The following DCHS2 variants were observed in gnomAD, a reference collection of about 807,000 sequenced individuals.
DCHS2 encodes the protein dachsous cadherin-related 2.
DCHS2 carries 142 observed loss-of-function variants against 182.4 expected under a neutral mutation model. The observed-to-expected ratio is 0.78, with a 90% CI of 0.68 to 0.89. DCHS2 has a LOEUF of 0.89. Ranked by LOEUF, DCHS2 falls within the 40% of genes least tolerant of loss-of-function variation. DCHS2 has a pLI of 0.00. For synonymous variants in DCHS2, 1,740 were observed against 1,663.3 expected (o/e 1.05, Z -1.12); for missense variants, 4,319 against 4,198.6 (o/e 1.03, Z -0.79).
intron 13 of DCHS2, among the ~76,000 whole-genome samples, chr4:154,280,334 A>T (rs1561007847): frequency 6.6e-6 from 1 of 152,208 alleles, no homozygotes; most frequent in Admixed American, 6.5e-5. Context: ...AACTCTTTCA[A>T]GAAATTGAAG....
intron 1 of DCHS2, among the ~76,000 whole-genome samples, chr4:154,485,620 G>C (rs1247575886): frequency 2.0e-5 from 3 of 152,212 alleles, no homozygotes; most frequent in Non-Finnish European, 4.4e-5. Flanking sequence ...GCATGTAATA[G>C]ATATTCAATA....
At chr4:154,484,159 C>T (rs929412016) in intron 1 of DCHS2, among the ~76,000 whole-genome samples, 1 of 152,172 alleles carries the variant, frequency 6.6e-6, no homozygotes, top group Admixed American at 6.5e-5. Flanking sequence ...CACATCTATA[C>T]AAGTTGTACC....
chr4:154,476,894 G>A (rs146156128), intron 1 of DCHS2, among the ~76,000 whole-genome samples: 1 of 152,232 alleles, frequency 6.6e-6, no homozygotes, highest in African/African-American at 2.4e-5. Flanking sequence ...ACTAACAGTG[G>A]GCAAGTGGGG....
intron 3 of DCHS2, among the ~76,000 whole-genome samples, chr4:154,365,589 C>T (rs148760285): frequency 9.5e-4 from 145 of 152,080 alleles, no homozygotes; most frequent in African/African-American, 3.3e-3. Context: ...AGCCATCCTC[C>T]CACCTCAGCC....
intron 1 of DCHS2, chr4:154,384,495 T>A (rs1217384625): frequency 6.4e-7 from 1 of 1,563,550 alleles, no homozygotes; most frequent in Admixed American, 1.9e-5. Flanking sequence ...AATGCTGGCC[T>A]CCAAAAAACC....
chr4:154,337,464 C>T (rs1465002729), intron 3 of DCHS2, among the ~76,000 whole-genome samples: 1 of 152,072 alleles, frequency 6.6e-6, no homozygotes, highest in Non-Finnish European at 1.5e-5. Flanking sequence ...CAAATCTAGA[C>T]ACATCGATGG....
At chr4:154,352,206 T>C (rs1273209321) in intron 3 of DCHS2, among the ~76,000 whole-genome samples, 3 of 152,200 alleles carry the variant, frequency 2.0e-5, no homozygotes, top group Non-Finnish European at 4.4e-5. Context: ...CAAGAATTTC[T>C]GGTTCCCCGC....
intron 1 of DCHS2, among the ~76,000 whole-genome samples, chr4:154,427,843 C>T (rs570728003): frequency 2.6e-5 from 4 of 152,110 alleles, no homozygotes; most frequent in Admixed American, 1.3e-4. Flanking sequence ...ATCTGTAAAA[C>T]GGAAAATATA....
intron 13 of DCHS2, among the ~76,000 whole-genome samples, chr4:154,285,787 C>T (rs1734366756): frequency 6.6e-6 from 1 of 152,050 alleles, no homozygotes; most frequent in South Asian, 2.1e-4. Flanking sequence ...CACTCCTAGG[C>T]TTCAGGGGAA....
intron 13 of DCHS2, among the ~76,000 whole-genome samples, chr4:154,279,092 T>C (rs888188315): frequency 1.3e-4 from 20 of 152,120 alleles, no homozygotes; most frequent in East Asian, 1.2e-3. Context: ...ATCTGTAACA[T>C]TGATAATATA....
chr4:154,473,532 A>G (rs1248942644), intron 1 of DCHS2, among the ~76,000 whole-genome samples: 1 of 151,980 alleles, frequency 6.6e-6, no homozygotes, highest in Non-Finnish European at 1.5e-5. Flanking sequence ...CGCCTTGCCC[A>G]ATTTTGATAG....
intron 13 of DCHS2, among the ~76,000 whole-genome samples, chr4:154,280,012 GA>G (rs955749739): frequency 2.3e-4 from 34 of 149,226 alleles, no homozygotes; most frequent in Admixed American, 6.0e-4. Context: ...GAGAGAGAGA[GA>G]AAAAAATGAA....
rs1160289170 is a variant in DCHS2, at chr4:154,490,843, G to C, written c.513C>G (p.Ser171=). ...NDHSPRFPLD[S]LQLDVSELSP... The stretch of plus-strand genomic sequence containing the variant: ...TGAGCTCGGAGACGTCGAGTTGCAG[G>C]GAGTCGAGGGGAAAGCGGGGCGAGT... The change falls in exon 1 of 20, where the codon TCC becomes TCG. Residue 171 remains serine, a synonymous_variant. Transcript: ENST00000357232. 1 of 1,551,532 alleles carries C rather than the reference G, an allele frequency of 6.4e-7. No homozygotes were observed. Among genetic ancestry groups the C allele is most frequent in the Non-Finnish European group, 8.7e-7 (1 of 1,146,962 alleles).
intron 1 of DCHS2, among the ~76,000 whole-genome samples, chr4:154,488,387 G>A (rs548802342): frequency 3.9e-4 from 59 of 152,236 alleles, no homozygotes; most frequent in African/African-American, 1.4e-3. Context: ...AAGCATCATG[G>A]AAGAAGCTTA....
At chr4:154,371,204 GAA>G (rs911336266) in intron 2 of DCHS2, among the ~76,000 whole-genome samples, 1 of 141,052 alleles carries the variant, frequency 7.1e-6, no homozygotes, top group Non-Finnish European at 1.6e-5. Flanking sequence ...GTCATGACAG[GAA>G]AAAAAAAAAA....
intron 5 of DCHS2, among the ~76,000 whole-genome samples, chr4:154,332,222 A>G (rs1186665906): frequency 6.6e-6 from 1 of 152,202 alleles, no homozygotes; most frequent in African/African-American, 2.4e-5. Context: ...TGATGCAGGG[A>G]AAGTATGAAT....
At chr4:154,340,260 A>C (rs1729002598) in intron 3 of DCHS2, among the ~76,000 whole-genome samples, 1 of 152,216 alleles carries the variant, frequency 6.6e-6, no homozygotes, top group Non-Finnish European at 1.5e-5. Flanking sequence ...CCATTAAATG[A>C]AGATATTAAA....
intron 1 of DCHS2, among the ~76,000 whole-genome samples, chr4:154,396,480 G>T (rs1324899331): frequency 6.6e-6 from 1 of 152,114 alleles, no homozygotes; most frequent in Non-Finnish European, 1.5e-5. Flanking sequence ...CAGTACTGAT[G>T]ATGGCATTAT....
Position 154,333,198 on chromosome 4 carries a change from C to T in DCHS2, c.3010G>A (p.Glu1004Lys). The part of the protein sequence containing the change: ...PGTALYLARA[E>K]DRDSGRNGLI... ...CCGTTCCGCCCACTGTCTCTGTCTT[C>T]CGCACGTGCGAGGTACAAGGCTGTG... The change falls in exon 5 of 20, where the codon GAA (glutamate) becomes AAA (lysine). Residue 1004 changes from glutamate to lysine, a missense_variant. Physicochemically the swap from Glu to Lys is moderately conservative, Grantham distance 56. Transcript: ENST00000357232. 6.2e-7 allele frequency: 1 copy of T among 1,614,216 alleles called. No homozygotes were observed.
Sources: allele counts gnomAD v4.1 joint callset (sites outside exome capture counted in the v4.1 genomes callset), GRCh38; gene constraint gnomAD v4.1.1; transcripts MANE v1.5; gene names NCBI Gene and HGNC (gene_info 2026-07-23, HGNC 2026-07-21).